ALOX5: variants seen among roughly 807,000 people sequenced by gnomAD.
ALOX5 encodes the protein arachidonate 5-lipoxygenase.
In ALOX5, 64 loss-of-function variants were observed where a neutral mutation model predicts 87.9. The observed-to-expected ratio is 0.73, with a 90% CI of 0.60 to 0.90. The LOEUF is 0.90. Among genes scored for constraint, ALOX5 ranks in the 40% least tolerant of loss-of-function variants. ALOX5 has a pLI of 0.00. For missense variants in ALOX5, 822 were observed against 907.5 expected (o/e 0.91, Z 1.21); for synonymous variants, 388 against 355.1 (o/e 1.09, Z -1.04).
chr10:45,392,045 GC>G (rs1840296251), intron 2 of ALOX5, among the ~76,000 whole-genome samples: 2 of 151,218 alleles, frequency 1.3e-5, no homozygotes, highest in African/African-American at 4.9e-5. Context: ...GAGGGGTTCA[GC>G]CCCCCGCCCG....
At chr10:45,379,279 C>A (rs1401935165) in intron 1 of ALOX5, among the ~76,000 whole-genome samples, 1 of 152,094 alleles carries the variant, frequency 6.6e-6, no homozygotes, top group African/African-American at 2.4e-5. Flanking sequence ...CCTGGGGACA[C>A]CTTCCTCCCT....
At chr10:45,414,361 G>A (rs1203686651) in intron 4 of ALOX5, among the ~76,000 whole-genome samples, 14 of 152,204 alleles carry the variant, frequency 9.2e-5, no homozygotes, top group Non-Finnish European at 2.1e-4. Context: ...TTAATAAATG[G>A]TGCTGGGAAA....
chr10:45,395,973 A>G lies in ALOX5; in HGVS notation c.431+37A>G, dbSNP rs9282584. The G allele has an allele frequency of 4.3e-3, 6,870 of 1,592,716 alleles. 247 individuals carry two copies. In the African/African-American group the frequency reaches 0.079, roughly 18 times the overall value. On this transcript the variant is annotated intron_variant, in intron 3 of 13. Transcript: ENST00000374391. ...CATCAGATCGAGTGGCCACGGGGCC[A>G]TGGTTTCTTCTATCTCAAGAGCATG... is the stretch of plus-strand genomic sequence containing the variant.
rs1839862569 is a variant in ALOX5 at position 45,382,415 on chromosome 10, T to A, written c.151-68T>A. 3 of 1,575,926 alleles carry A rather than the reference T, an allele frequency of 1.9e-6. No homozygotes were observed. In the African/African-American group the frequency reaches 4.0e-5, roughly 21 times the overall value. ...CAGCAGCATACCTTGGGGTGACAAA[T>A]TCTTAACACCTCCAGAACAAAGGCT... On this transcript the variant is annotated intron_variant, in intron 1 of 13. Transcript: ENST00000374391.
chr10:45,443,339 C>G, intron 10 of ALOX5, 77 bp from the exon 11 acceptor site: 1 of 1,589,716 alleles, frequency 6.3e-7, no homozygotes, highest in Non-Finnish European at 8.6e-7. Context: ...GTCCCAGCGT[C>G]CGTGAGGGGG....
At chr10:45,431,873 A>G (rs952207563) in intron 7 of ALOX5, among the ~76,000 whole-genome samples, 1 of 152,148 alleles carries the variant, frequency 6.6e-6, no homozygotes, top group Admixed American at 6.5e-5. Context: ...CACCCGGCCA[A>G]CTATAAAGTT....
chr10:45,410,235 A>T (rs1174984573), intron 3 of ALOX5, among the ~76,000 whole-genome samples: 5 of 152,228 alleles, frequency 3.3e-5, no homozygotes, highest in Admixed American at 3.3e-4. Flanking sequence ...CATTACTACC[A>T]GTGAGGCTAC....
rs772149844 is a variant in ALOX5 at position 45,395,835 on chromosome 10, ATGT to A, written c.350-15_350-13del. 8 of 1,611,268 alleles carry A rather than the reference ATGT, an allele frequency of 5.0e-6. No homozygotes were observed. Among genetic ancestry groups the A allele is most frequent in the Admixed American group, 1.7e-5 (1 of 60,010 alleles). ...TATTGTTCTTCCTCAGGCTCCTCTC[ATGT>A]TGTTCTTTCTTTACAGCAAAGTTGG... On this transcript the variant is annotated splice_polypyrimidine_tract_variant and intron_variant, in intron 2 of 13. Transcript: ENST00000374391.
At chr10:45,378,130 C>T (rs1839693104) in intron 1 of ALOX5, among the ~76,000 whole-genome samples, 1 of 152,180 alleles carries the variant, frequency 6.6e-6, no homozygotes, top group Non-Finnish European at 1.5e-5. Context: ...TCCTCCTACT[C>T]ATCTGCCCTC....
rs544468818 is a variant in ALOX5 at position 45,423,260 on chromosome 10, T to A, written c.555-781T>A. On this transcript the variant is annotated intron_variant, in intron 4 of 13. Transcript: ENST00000374391. Reference sequence around the variant, plus strand: ...TGAAGAGTGGGCAGTGATTGAGCACTGACGGTGGAGAGGCAACAGGCTATC... The same window carrying A: ...TGAAGAGTGGGCAGTGATTGAGCACAGACGGTGGAGAGGCAACAGGCTATC... 2.6e-5 allele frequency among the ~76,000 whole-genome samples: 4 copies of A among 152,368 alleles called. No homozygotes were observed. The East Asian group carries it at 7.7e-4, about 29-fold the overall frequency.
At chr10:45,384,147 T>C (rs1839935929) in intron 2 of ALOX5, among the ~76,000 whole-genome samples, 1 of 152,152 alleles carries the variant, frequency 6.6e-6, no homozygotes, top group Non-Finnish European at 1.5e-5. Flanking sequence ...GTGGGAGTAA[T>C]GCAGAAGTAT....
chr10:45,445,825 G>A lies in ALOX5; in HGVS notation c.*138G>A, dbSNP rs1842426046. The A allele has an allele frequency of 1.1e-6, 1 of 938,614 alleles. No homozygotes were observed. Among genetic ancestry groups the A allele is most frequent in the South Asian group, 1.6e-5 (1 of 60,822 alleles). 58.1% of individuals were successfully genotyped at this position (938,614 alleles called of 1,614,324 possible). The stretch of plus-strand genomic sequence containing the variant: ...GCCAGTACCTTTCCATTTATTCTTT[G>A]ATCTTCAGGGAACTGCATAGATTGA... On this transcript the variant is annotated 3_prime_UTR_variant, in exon 14 of 14. Coordinates refer to ENST00000374391, the MANE Select transcript of ALOX5 (RefSeq NM_000698.5).
chr10:45,383,153 A>G (rs999671705), intron 2 of ALOX5, among the ~76,000 whole-genome samples: 1 of 152,274 alleles, frequency 6.6e-6, no homozygotes, highest in Non-Finnish European at 1.5e-5. Context: ...GAGCACCCCA[A>G]GTGCCAGCTC....
chr10:45,440,712 G>GTCCCCCTGT, intron 8 of ALOX5, 79 bp downstream of exon 8: 2 of 1,480,280 alleles, frequency 1.4e-6, no homozygotes, highest in Non-Finnish European at 1.8e-6. Context: ...CATCCCACAG[G>GTCCCCCTGT]GGGACCTGTG....
intron 2 of ALOX5, among the ~76,000 whole-genome samples, chr10:45,385,396 C>T (rs1339821711): frequency 6.6e-6 from 1 of 152,244 alleles, no homozygotes; most frequent in Non-Finnish European, 1.5e-5. Context: ...ACCTGCCCTG[C>T]TGAGCTCTTC....
intron 7 of ALOX5, among the ~76,000 whole-genome samples, chr10:45,428,969 GC>G (rs1343510436): frequency 2.4e-4 from 37 of 152,210 alleles, no homozygotes; most frequent in Non-Finnish European, 5.1e-4. Context: ...GCCAGTCGAG[GC>G]ACACTGTGGA....
At chr10:45,440,401 A>C (rs1265269172) in intron 7 of ALOX5, 29 bp from the exon 8 acceptor site, 9 of 1,602,740 alleles carry the variant, frequency 5.6e-6, no homozygotes, top group Non-Finnish European at 7.7e-6. Flanking sequence ...GAAATATAGC[A>C]GTGTGTTTCC....
intron 2 of ALOX5, among the ~76,000 whole-genome samples, chr10:45,392,835 A>C (rs1840340346): frequency 2.0e-5 from 3 of 152,264 alleles, no homozygotes; most frequent in African/African-American, 7.2e-5. Flanking sequence ...CTCTAAGCAA[A>C]TTAACTAGAA....
chr10:45,374,444 G>A lies in ALOX5; in HGVS notation c.150+15G>A. On this transcript the variant is annotated intron_variant, in intron 1 of 13. Transcript: ENST00000374391. ...AGCGTGGCGCGGTGAGCGCGGGCGG[G>A]GCACGGGTGGAGCGCGGGCTGAGGT... is the stretch of plus-strand genomic sequence containing the variant. The A allele has an allele frequency of 6.5e-7, 1 of 1,537,322 alleles. No individual in the cohort carries two copies.
Sources: gnomAD v4.1 joint callset for allele counts (sites outside exome capture counted in the v4.1 genomes callset) on GRCh38, gnomAD v4.1.1 for gene constraint, MANE v1.5 for transcripts, NCBI Gene and HGNC (gene_info 2026-07-23, HGNC 2026-07-21) for gene names.